Variants in MED24 observed in about 807,000 individuals in gnomAD.
The protein encoded by MED24 is mediator of RNA polymerase II transcription subunit 24.
Under a neutral mutation model 118.8 loss-of-function variants are expected in MED24, and 74 were observed. The ratio of observed to expected loss-of-function variants is 0.62; its 90% confidence interval spans 0.52 to 0.76. The LOEUF (loss-of-function observed/expected upper bound fraction) is 0.76. Ranked by LOEUF, MED24 falls within the 30% of genes least tolerant of loss-of-function variation. MED24 has a pLI of 0.00. For missense variants in MED24, 1,041 were observed against 1,278.9 expected, an observed-to-expected ratio of 0.81 and a Z score of 2.84; for synonymous variants, 521 against 523.9, an observed-to-expected ratio of 0.99 and a Z score of 0.08.
intron 23 of MED24, among the ~76,000 whole-genome samples, chr17:40,021,586 A>C (rs12453732): frequency 0.36 from 55,464 of 152,150 alleles, 11,464 homozygotes; most frequent in East Asian, 0.68. Flanking sequence ...TGGGGGAAGG[A>C]AGGAAGGAAG....
intron 19 of MED24, chr17:40,023,717 C>CA: frequency 3.6e-6 from 1 of 274,610 alleles, no homozygotes; most frequent in Non-Finnish European, 6.9e-6. Context: ...TGGGCCCTGC[C>CA]AACCTGCCAC....
chr17:40,032,155 A>G lies in MED24; in HGVS notation c.937-65T>C. 5 of 1,572,360 alleles carry G rather than the reference A, an allele frequency of 3.2e-6. 1 individual carries two copies. Among genetic ancestry groups the G allele is most frequent in the Middle Eastern group, 3.4e-4 (2 of 5,968 alleles). ...TCTTTTCTCTTTCATCTACCCCTGA[A>G]GGCATCCCCCCGAACCCCTGCTCCA... On this transcript the variant is annotated intron_variant, in intron 9 of 25. Transcript: ENST00000394128.
intron 3 of MED24, among the ~76,000 whole-genome samples, chr17:40,036,799 C>G (rs1983995902): frequency 6.6e-6 from 1 of 152,036 alleles, no homozygotes; most frequent in South Asian, 2.1e-4. Flanking sequence ...CACTGTATTC[C>G]TACAGCTTCC....
chr17:40,020,102 G>GCCCC, intron 24 of MED24, 169 bp from the exon 25 acceptor site: 3 of 795,560 alleles, frequency 3.8e-6, no homozygotes, highest in Non-Finnish European at 6.0e-6. Flanking sequence ...AGGGGAGGAG[G>GCCCC]GGGAACTAGA....
chr17:40,053,728 G>A, intron 1 of MED24, 93 bp from the exon 2 acceptor site: 3 of 1,505,306 alleles, frequency 2.0e-6, no homozygotes, highest in South Asian at 2.3e-5. Flanking sequence ...AGAAGATGCG[G>A]GAAGATTTAA....
At chr17:40,046,638 T>C (rs892496002) in intron 3 of MED24, among the ~76,000 whole-genome samples, 7 of 149,012 alleles carry the variant, frequency 4.7e-5, no homozygotes, top group Non-Finnish European at 6.0e-5. Context: ...CCCAGCTACT[T>C]GGGAGGCTGA....
chr17:40,050,109 C>G (rs1220428088), intron 3 of MED24, among the ~76,000 whole-genome samples: 3 of 147,320 alleles, frequency 2.0e-5, no homozygotes, highest in Non-Finnish European at 4.5e-5. Context: ...CGAGATCGCA[C>G]CACTGCACTC....
intron 16 of MED24, 89 bp from the exon 17 acceptor site, chr17:40,027,123 G>T: frequency 1.3e-6 from 2 of 1,488,626 alleles, no homozygotes; most frequent in Non-Finnish European, 9.2e-7. Context: ...TTCCCGCCAG[G>T]CTGCTGCTCC....
intron 12 of MED24, among the ~76,000 whole-genome samples, chr17:40,030,080 T>TGGAGG (rs1351773781): frequency 1.3e-5 from 2 of 152,198 alleles, no homozygotes; most frequent in Admixed American, 1.3e-4. Flanking sequence ...TTGCCCAGGC[T>TGGAGG]GGAGTACAGT....
chr17:40,036,481 G>A (rs538045775), intron 3 of MED24, among the ~76,000 whole-genome samples: 2 of 152,240 alleles, frequency 1.3e-5, no homozygotes, highest in Admixed American at 1.3e-4. Context: ...ACGAGGTGAG[G>A]AGTTTGAGAC....
rs371821549 is a variant in MED24 at position 40,035,711 on chromosome 17, C to T, written c.326+11G>A. 36 of 1,612,730 alleles carry T rather than the reference C, an allele frequency of 2.2e-5. No individual in the cohort carries two copies. Among genetic ancestry groups the T allele is most frequent in the Non-Finnish European group, 3.0e-5 (35 of 1,178,940 alleles). On this transcript the variant is annotated intron_variant, in intron 5 of 25. Coordinates refer to ENST00000394128, the MANE Select transcript of MED24 (RefSeq NM_014815.4). The stretch of plus-strand genomic sequence containing the variant: ...ACATTGTATTGTGAGCCCCCTTACC[C>T]CTGCCCTTACCTCAGACGGTCACAA...
rs1175799533 is a variant in MED24 at position 40,033,481 on chromosome 17, A to C, written c.560-25T>G. ...GCTGGCAGAGGGAAGGAAGTACAGAAACATGATGGGAAACAGGAGAGAAGG... is the reference window on the plus strand; with the variant it reads ...GCTGGCAGAGGGAAGGAAGTACAGACACATGATGGGAAACAGGAGAGAAGG... On this transcript the variant is annotated intron_variant, in intron 6 of 25. Transcript: ENST00000394128. This position sits in a 1 kb window ranked among gnomAD's most constrained non-coding sequence, Gnocchi z 5.2. 6.5e-7 allele frequency: 1 copy of C among 1,541,582 alleles called. No homozygotes were observed. The highest frequency in any genetic ancestry group is 8.8e-7 in the Non-Finnish European group (1 of 1,134,858).
At chr17:40,053,861 T>C in intron 1 of MED24, 1 of 625,162 alleles carries the variant, frequency 1.6e-6, no homozygotes, top group South Asian at 2.0e-5. Context: ...CCGAGCGCAG[T>C]GGCTCGCACC....
At chr17:40,022,294 C>T (rs1464907273) in intron 22 of MED24, 100 bp downstream of exon 22, 7 of 1,260,988 alleles carry the variant, frequency 5.6e-6, no homozygotes, top group Non-Finnish European at 6.7e-6. Context: ...GCCCCAAGGG[C>T]AGGGGCCACA....
chr17:40,030,529 C>G (rs766314265), intron 12 of MED24, among the ~76,000 whole-genome samples: 1 of 151,898 alleles, frequency 6.6e-6, no homozygotes, highest in Non-Finnish European at 1.5e-5. Context: ...CTCCTGACCT[C>G]GTGATCCACC....
chr17:40,024,276 A>G (rs577916453), intron 19 of MED24, among the ~76,000 whole-genome samples: 3 of 152,150 alleles, frequency 2.0e-5, no homozygotes, highest in African/African-American at 7.2e-5. Context: ...GCTCATGCCT[A>G]TAATCCCAGC....
intron 14 of MED24, among the ~76,000 whole-genome samples, chr17:40,028,518 C>A (rs936432334): frequency 9.9e-5 from 15 of 152,090 alleles, no homozygotes; most frequent in Non-Finnish European, 1.8e-4. Context: ...AAAAAGGCAA[C>A]AGAATTTGAG....
chr17:40,019,899 C>A lies in MED24; in HGVS notation c.2739G>T (p.Gly913=). The A allele has an allele frequency of 6.4e-7, 1 of 1,574,616 alleles. No homozygotes were observed. Among genetic ancestry groups the A allele is most frequent in the Non-Finnish European group, 8.6e-7 (1 of 1,159,264 alleles). The change falls in exon 25 of 26, where the codon GGG becomes GGT. Residue 913 remains glycine, a synonymous_variant. Transcript: ENST00000394128. ...NLFLLISSIL[G]SRTAGPHTQF... Reference sequence around the variant, plus strand: ...GGGTGTGGGGGCCAGCGGTGCGAGACCCCAGGATGGAGGAGATGAGCAGGA... The same window carrying A: ...GGGTGTGGGGGCCAGCGGTGCGAGAACCCAGGATGGAGGAGATGAGCAGGA...
chr17:40,022,897 C>A, intron 20 of MED24, 71 bp from the exon 21 acceptor site: 1 of 1,548,392 alleles, frequency 6.5e-7, no homozygotes, highest in Admixed American at 1.8e-5. Flanking sequence ...CCCTGCCACC[C>A]CAGCATGGCT....
Sources: gnomAD v4.1 joint callset for allele counts (sites outside exome capture counted in the v4.1 genomes callset) on GRCh38, gnomAD v4.1.1 for gene constraint, Gnocchi (gnomAD v3.1) non-coding constraint, MANE v1.5 for transcripts, NCBI Gene and HGNC (gene_info 2026-07-23, HGNC 2026-07-21) for gene names.